The following SYN3 variants were observed in gnomAD, a reference collection of about 807,000 sequenced individuals.
SYN3 encodes the protein synapsin III.
Under a neutral mutation model 65.8 loss-of-function variants are expected in SYN3, and 35 were observed. That is an observed-to-expected ratio of 0.53 (90% CI 0.41 to 0.70). The LOEUF (loss-of-function observed/expected upper bound fraction) is 0.70, where lower values mean the gene tolerates loss of function less well. SYN3 is among the 30% of genes least tolerant of loss of function. SYN3 has a pLI of 0.00. For missense variants in SYN3, 680 were observed against 749.0 expected, an observed-to-expected ratio of 0.91 and a Z score of 1.08; for synonymous variants, 270 against 292.9, an observed-to-expected ratio of 0.92 and a Z score of 0.80.
chr22:32,574,925 T>C (rs34500697), intron 7 of SYN3, among the ~76,000 whole-genome samples: 40,744 of 152,222 alleles, frequency 0.27, 5,872 homozygotes, highest in East Asian at 0.54. Flanking sequence ...ATGGGCTCTA[T>C]GAGAGTAGGG....
chr22:32,835,556 G>T (rs2047706773), intron 6 of SYN3, among the ~76,000 whole-genome samples: 1 of 152,146 alleles, frequency 6.6e-6, no homozygotes, highest in Admixed American at 6.5e-5. Flanking sequence ...ATGGGTAATG[G>T]GGAGCAGAAG....
intron 6 of SYN3, among the ~76,000 whole-genome samples, chr22:32,618,998 T>C: frequency 6.6e-6 from 1 of 152,210 alleles, no homozygotes; most frequent in Non-Finnish European, 1.5e-5. Context: ...GGACTCTAAA[T>C]GCAGGTGTTT....
intron 7 of SYN3, among the ~76,000 whole-genome samples, chr22:32,594,037 G>T (rs2059163158): frequency 6.6e-6 from 1 of 152,164 alleles, no homozygotes. Flanking sequence ...AAAAGTGCCT[G>T]CTGAATTAGC....
intron 6 of SYN3, among the ~76,000 whole-genome samples, chr22:32,812,271 T>C (rs2046935876): frequency 6.6e-6 from 1 of 152,188 alleles, no homozygotes; most frequent in Admixed American, 6.5e-5. Flanking sequence ...TAGGTAACTT[T>C]GTTAGAAATA....
At chr22:32,561,791 A>G (rs941857782) in intron 7 of SYN3, among the ~76,000 whole-genome samples, 3 of 152,192 alleles carry the variant, frequency 2.0e-5, no homozygotes. Context: ...TTTGCAGGCC[A>G]GGCTCCTACG....
rs528829970 is a variant in SYN3, at chr22:32,815,854, C to A, written c.711+49061G>T. On this transcript the variant is annotated intron_variant, in intron 6 of 13. Coordinates refer to ENST00000358763, the MANE Select transcript of SYN3 (RefSeq NM_003490.4). Reference sequence around the variant, plus strand: ...ACCAATTCTGCCCACGGTCACCCCACTGCATGATGGCAGAGCTAGTATTTG... The same window carrying A: ...ACCAATTCTGCCCACGGTCACCCCAATGCATGATGGCAGAGCTAGTATTTG... 1.4e-4 allele frequency among the ~76,000 whole-genome samples: 22 copies of A among 152,322 alleles called. No homozygotes were observed. In the South Asian group the frequency reaches 3.9e-3, roughly 27 times the overall value.
chr22:32,917,410 GA>G (rs1485916049), intron 4 of SYN3, among the ~76,000 whole-genome samples: 1 of 152,214 alleles, frequency 6.6e-6, no homozygotes, highest in Non-Finnish European at 1.5e-5. Context: ...AAGGGAGGAT[GA>G]AATGTCCTAC....
At chr22:32,868,565 C>T (rs948896819) in intron 5 of SYN3, among the ~76,000 whole-genome samples, 30 of 151,786 alleles carry the variant, frequency 2.0e-4, no homozygotes, top group African/African-American at 6.5e-4. Flanking sequence ...CTCAGCCTCC[C>T]GAGTAGCTGG....
chr22:33,006,158 A>T (rs2053189588), intron 2 of SYN3, among the ~76,000 whole-genome samples, 194 bp downstream of exon 2: 1 of 152,192 alleles, frequency 6.6e-6, no homozygotes, highest in African/African-American at 2.4e-5. Flanking sequence ...TTAGAAGAGA[A>T]TGTGGCACTA....
At position 32,546,075 on chromosome 22, in the gene SYN3, G is replaced by A. The variant is rs143984031; in HGVS notation, c.775-4362C>T. 1.4e-4 allele frequency among the ~76,000 whole-genome samples: 22 copies of A among 152,216 alleles called. No individual in the cohort carries two copies. The East Asian group carries it at 2.3e-3, about 16-fold the overall frequency. The stretch of plus-strand genomic sequence containing the variant: ...CACTTGAGTAGTTGGGACTACAGGC[G>A]TCACCACATCCAGCTGATTTTATGT... On this transcript the variant is annotated intron_variant, in intron 7 of 13. Coordinates refer to ENST00000358763, the MANE Select transcript of SYN3 (RefSeq NM_003490.4).
At chr22:32,547,645 G>A (rs2058354570) in intron 7 of SYN3, among the ~76,000 whole-genome samples, 1 of 152,218 alleles carries the variant, frequency 6.6e-6, no homozygotes, top group Non-Finnish European at 1.5e-5. Context: ...TCCTGAGGCT[G>A]AGCAAGGAGG....
intron 6 of SYN3, among the ~76,000 whole-genome samples, chr22:32,735,515 G>C (rs1369559994): frequency 6.6e-6 from 1 of 151,026 alleles, no homozygotes; most frequent in Non-Finnish European, 1.5e-5. Context: ...TTGTTTGTTT[G>C]TTTTGTTTTT....
intron 2 of SYN3, among the ~76,000 whole-genome samples, chr22:33,003,777 C>A (rs1220167822): frequency 6.6e-6 from 1 of 152,160 alleles, no homozygotes; most frequent in Non-Finnish European, 1.5e-5. Context: ...TGTTTATTAC[C>A]AAGACAATGG....
rs369563483 is a variant in SYN3, at chr22:32,673,341, A to C, written c.712-76605T>G. On this transcript the variant is annotated intron_variant, in intron 6 of 13. Coordinates refer to ENST00000358763, the MANE Select transcript of SYN3 (RefSeq NM_003490.4). ...CTCCTCCCCCAGAGAGGGACCCAGC[A>C]ACAGGAGTCAAGGGTTGCCCCCAAC... Among the ~76,000 whole-genome samples, 137 of 152,328 alleles carry C rather than the reference A, an allele frequency of 9.0e-4. 1 individual carries two copies. In the East Asian group the frequency reaches 0.013, roughly 14 times the overall value.
chr22:32,722,726 A>C (rs2061137333), intron 6 of SYN3, among the ~76,000 whole-genome samples: 2 of 152,194 alleles, frequency 1.3e-5, no homozygotes, highest in Admixed American at 1.3e-4. Context: ...AAGGCTGCTA[A>C]GAAGTCACTG....
chr22:32,577,156 G>T (rs571256832), intron 7 of SYN3, among the ~76,000 whole-genome samples: 2 of 152,138 alleles, frequency 1.3e-5, no homozygotes, highest in African/African-American at 4.8e-5. Flanking sequence ...CGGGTGCTTC[G>T]AATGCACTGC....
intron 1 of SYN3, among the ~76,000 whole-genome samples, chr22:33,058,036 C>G (rs2054281459): frequency 6.6e-6 from 1 of 152,100 alleles, no homozygotes; most frequent in African/African-American, 2.4e-5. Context: ...GCCCGGCAGA[C>G]GGCCCCCGCA....
chr22:32,842,667 T>TA (rs2047945570), intron 6 of SYN3, among the ~76,000 whole-genome samples: 2 of 152,232 alleles, frequency 1.3e-5, no homozygotes, highest in Admixed American at 1.3e-4. Context: ...ATCAATCTAA[T>TA]TAACTTCAAA....
intron 6 of SYN3, among the ~76,000 whole-genome samples, chr22:32,778,723 C>T (rs1366690837): frequency 4.6e-5 from 7 of 152,000 alleles, no homozygotes; most frequent in African/African-American, 1.2e-4. Flanking sequence ...GCAGCGTCAC[C>T]GAAGAAAGTG....
Sources: gnomAD v4.1 joint callset for allele counts (sites outside exome capture counted in the v4.1 genomes callset) on GRCh38, gnomAD v4.1.1 for gene constraint, MANE v1.5 for transcripts, NCBI Gene and HGNC (gene_info 2026-07-23, HGNC 2026-07-21) for gene names.